Variants in NUP210 observed in about 807,000 individuals in gnomAD.
NUP210 encodes the protein nuclear pore membrane glycoprotein 210.
Under a neutral mutation model 196.0 loss-of-function variants are expected in NUP210, and 151 were observed. That is an observed-to-expected ratio of 0.77 (90% CI 0.67 to 0.88). The LOEUF is 0.88. Among genes scored for constraint, NUP210 ranks in the 40% least tolerant of loss-of-function variants. The probability of loss-of-function intolerance (pLI) is 0.00; values close to 1 mark genes in which losing one functional copy is unlikely to be tolerated. For missense variants in NUP210, 2,314 were observed against 2,493.7 expected (o/e 0.93, Z 1.53); for synonymous variants, 1,070 against 1,052.7 (o/e 1.02, Z -0.32).
chr3:13,332,776 G>A (rs180691684), intron 28 of NUP210, among the ~76,000 whole-genome samples: 2 of 152,236 alleles, frequency 1.3e-5, no homozygotes, highest in Admixed American at 1.3e-4. Flanking sequence ...AGACAGGCAG[G>A]CTCATGTTTG....
At chr3:13,341,972 C>T (rs1230486723) in intron 22 of NUP210, 24 bp downstream of exon 22, 2 of 1,613,950 alleles carry the variant, frequency 1.2e-6, no homozygotes, top group Admixed American at 1.7e-5. Context: ...GAGGTGCCCT[C>T]CTCTGACCCC....
At chr3:13,385,393 T>C (rs569419494) in intron 6 of NUP210, among the ~76,000 whole-genome samples, 50 of 152,360 alleles carry the variant, frequency 3.3e-4, no homozygotes, top group Non-Finnish European at 6.9e-4. Flanking sequence ...ATGCTCTGGA[T>C]GTTAAACATA....
chr3:13,375,142 C>CTTTTTTTTTT (rs76945178), intron 11 of NUP210, among the ~76,000 whole-genome samples: 1 of 138,404 alleles, frequency 7.2e-6, no homozygotes, highest in Non-Finnish European at 1.5e-5. Flanking sequence ...TATTTTTTCT[C>CTTTTTTTTTT]TTTTTTTTTT....
At position 13,336,923 on chromosome 3, in the gene NUP210, A is replaced by C. The variant is rs1697240186; in HGVS notation, c.3553-5T>G. On this transcript the variant is annotated splice_region_variant and splice_polypyrimidine_tract_variant and intron_variant, in intron 26 of 39. Coordinates refer to ENST00000254508, the MANE Select transcript of NUP210 (RefSeq NM_024923.4). ...GCCGGTGACATAGATGGGCATCTGCAGGGGAGAAGTCAGGCCCAGTGAGCA... is the reference window on the plus strand; with the variant it reads ...GCCGGTGACATAGATGGGCATCTGCCGGGGAGAAGTCAGGCCCAGTGAGCA... 2 of 1,612,932 alleles carry C rather than the reference A, an allele frequency of 1.2e-6. No homozygotes were observed. Among genetic ancestry groups the C allele is most frequent in the Admixed American group, 3.3e-5 (2 of 59,954 alleles).
intron 29 of NUP210, among the ~76,000 whole-genome samples, chr3:13,331,226 AACTACTG>A (rs1233105382): frequency 6.6e-6 from 1 of 152,204 alleles, no homozygotes; most frequent in Admixed American, 6.5e-5. Context: ...ACTGTTAGCA[AACTACTG>A]ATACTATGTA....
At chr3:13,349,973 G>A (rs1303613244) in intron 20 of NUP210, among the ~76,000 whole-genome samples, 1 of 152,216 alleles carries the variant, frequency 6.6e-6, no homozygotes, top group Non-Finnish European at 1.5e-5. Flanking sequence ...ATTGGACTGA[G>A]TTGTGTAGGA....
At chr3:13,354,425 A>C in intron 16 of NUP210, 1 of 355,714 alleles carries the variant, frequency 2.8e-6, no homozygotes, top group South Asian at 3.1e-5. Flanking sequence ...TACTCGGGAG[A>C]GGTCCATGAT....
At chr3:13,327,630 G>A (rs529226990) in intron 31 of NUP210, among the ~76,000 whole-genome samples, 193 bp from the exon 32 acceptor site, 8 of 152,302 alleles carry the variant, frequency 5.3e-5, no homozygotes, top group Non-Finnish European at 8.8e-5. Flanking sequence ...GCACAGGCTC[G>A]ACCTCCTCAC....
chr3:13,397,373 C>T lies in NUP210; in HGVS notation c.420G>A (p.Gln140=). ...LEDSPLELKI[Q]ALDSEGNTFS... ...CGTTCTCACCTTCGGAGTCCAGGGC[C>T]TGGATCTTCAGCTCCAGGGGGGAGT... Residue 140 remains glutamine, a synonymous_variant, in exon 3 of 40, where the codon CAG becomes CAA. Transcript: ENST00000254508. 2 of 1,611,094 alleles carry T rather than the reference C, an allele frequency of 1.2e-6. No individual in the cohort carries two copies.
At chr3:13,349,473 G>C (rs1305711732) in intron 20 of NUP210, among the ~76,000 whole-genome samples, 1 of 152,196 alleles carries the variant, frequency 6.6e-6, no homozygotes, top group Non-Finnish European at 1.5e-5. Flanking sequence ...GAGAATACTG[G>C]GGCCCGGCTG....
intron 16 of NUP210, 49 bp from the exon 17 acceptor site, chr3:13,354,156 T>TGGG: frequency 1.3e-6 from 2 of 1,499,942 alleles, no homozygotes; most frequent in Non-Finnish European, 1.8e-6. Context: ...GGACTGGACC[T>TGGG]GGACACTGAC....
At position 13,316,799 on chromosome 3, in the gene NUP210, C is replaced by G. The variant is rs1343848933; in HGVS notation, c.*882G>C. The G allele has an allele frequency of 6.6e-6, 1 of 152,354 alleles. No individual in the cohort carries two copies. Among genetic ancestry groups the G allele is most frequent in the Non-Finnish European group, 1.5e-5 (1 of 68,114 alleles). 9.4% of individuals were successfully genotyped at this position (152,354 alleles called of 1,614,324 possible). ...GCACAGGAACAGGAGGAGCAAATGA[C>G]ACTGGGTCTTTGTGCTGAGGCAGGA... On this transcript the variant is annotated 3_prime_UTR_variant, in exon 40 of 40. Coordinates refer to ENST00000254508, the MANE Select transcript of NUP210 (RefSeq NM_024923.4).
At chr3:13,393,895 C>T (rs414661) in intron 3 of NUP210, among the ~76,000 whole-genome samples, 1 of 152,214 alleles carries the variant, frequency 6.6e-6, no homozygotes, top group Non-Finnish European at 1.5e-5. Flanking sequence ...TGCAGGACAG[C>T]TGAAGGAAAA....
At chr3:13,400,844 G>A (rs981127604) in intron 1 of NUP210, among the ~76,000 whole-genome samples, 1 of 152,204 alleles carries the variant, frequency 6.6e-6, no homozygotes, top group African/African-American at 2.4e-5. Context: ...CACAGCACCC[G>A]ACACAGAGCA....
At chr3:13,388,768 C>T (rs1481863380) in intron 4 of NUP210, among the ~76,000 whole-genome samples, 1 of 152,252 alleles carries the variant, frequency 6.6e-6, no homozygotes, top group African/African-American at 2.4e-5. Flanking sequence ...GCTGCTGAGT[C>T]CACATGGGAA....
Position 13,347,390 on chromosome 3 carries a change from C to G in NUP210, c.2836-4087G>C. 1 of 948,026 alleles carries G rather than the reference C, an allele frequency of 1.1e-6. No homozygotes were observed. Among genetic ancestry groups the G allele is most frequent in the East Asian group, 1.2e-4 (1 of 8,630 alleles). 58.7% of individuals were successfully genotyped at this position (948,026 alleles called of 1,614,324 possible). A position where few individuals can be genotyped will look rare whatever the true frequency, so the allele number is the denominator to read the frequency against. ...AGGACTTGATTGAAATGTAAAGAAT[C>G]GTTGAAAAGAAGGAAAACTTAGGCT... On this transcript the variant is annotated intron_variant, in intron 20 of 39. Coordinates refer to ENST00000254508, the MANE Select transcript of NUP210 (RefSeq NM_024923.4). This position sits in a 1 kb window ranked among gnomAD's most constrained non-coding sequence, Gnocchi z 4.7.
At chr3:13,418,031 T>C (rs1226027627) in intron 1 of NUP210, among the ~76,000 whole-genome samples, 1 of 152,218 alleles carries the variant, frequency 6.6e-6, no homozygotes, top group Non-Finnish European at 1.5e-5. Context: ...CTGTTTTTAA[T>C]AACCAGTTTC....
In NUP210 at chr3:13,399,869, G is replaced by A; in HGVS notation, c.168-8C>T. ...TCCGGCCGGGTGGACAACCTGCAGT[G>A]GAAGAAGACAGCATTTACTCTCTGG... On this transcript the variant is annotated splice_polypyrimidine_tract_variant and splice_region_variant and intron_variant, in intron 1 of 39. Transcript: ENST00000254508. 2 of 1,598,058 alleles carry A rather than the reference G, an allele frequency of 1.3e-6. No individual in the cohort carries two copies. Among genetic ancestry groups the A allele is most frequent in the Non-Finnish European group, 1.7e-6 (2 of 1,171,974 alleles).
chr3:13,328,868 G>T lies in NUP210; in HGVS notation c.4189C>A (p.Pro1397Thr), dbSNP rs763128126. 5.6e-6 allele frequency: 9 copies of T among 1,614,166 alleles called. No homozygotes were observed. The highest frequency in any genetic ancestry group is 6.8e-6 in the Non-Finnish European group (8 of 1,180,016). The change falls in exon 31 of 40, where the codon CCT becomes ACT. Residue 1397 changes from proline to threonine, a missense_variant. Pro to Thr is a conservative substitution (Grantham distance 38). Transcript: ENST00000254508. ...GTGAAGGTCACGGTCATTCCCAAAG[G>T]CACGGCCACCAGGGCCTCCTTGTTC... ...TQNKEALVAV[P>T]LGMTVTFTVH...
Sources: allele counts gnomAD v4.1 joint callset (sites outside exome capture counted in the v4.1 genomes callset), GRCh38; gene constraint gnomAD v4.1.1; non-coding constraint Gnocchi (gnomAD v3.1); transcripts MANE v1.5; gene names NCBI Gene and HGNC (gene_info 2026-07-23, HGNC 2026-07-21).